FAM167A: variants seen among roughly 807,000 people sequenced by gnomAD.
FAM167A encodes family with sequence similarity 167 member A.
Under a neutral mutation model 14.9 loss-of-function variants are expected in FAM167A, and 23 were observed. That is an observed-to-expected ratio of 1.55 (90% CI 1.11 to 2.19). The LOEUF is 2.19. Ranked by LOEUF, FAM167A falls within the 30% of genes most tolerant of loss-of-function variation. FAM167A has a pLI of 0.00. For missense variants in FAM167A, 401 were observed against 281.5 expected, an observed-to-expected ratio of 1.42 and a Z score of -3.04; for synonymous variants, 174 against 117.7, an observed-to-expected ratio of 1.48 and a Z score of -3.10.
intron 1 of FAM167A, among the ~76,000 whole-genome samples, chr8:11,456,392 T>TAAGTGTGA (rs1807305755): frequency 8.3e-6 from 1 of 120,496 alleles, no homozygotes; most frequent in African/African-American, 3.3e-5. Context: ...GCCTGGTGTG[T>TAAGTGTGA]GTGTGAGTGT....
intron 1 of FAM167A, among the ~76,000 whole-genome samples, chr8:11,473,716 G>A (rs1797784338): frequency 1.3e-5 from 2 of 152,044 alleles, no homozygotes; most frequent in South Asian, 2.1e-4. Context: ...TTGAGCTTCA[G>A]TTTCCTCCTC....
At chr8:11,438,503 G>A (rs1173430731) in intron 2 of FAM167A, 7 of 457,180 alleles carry the variant, frequency 1.5e-5, no homozygotes, top group South Asian at 7.7e-5. Context: ...GGAGAGAAGA[G>A]CCTGGTGCTA....
In FAM167A at chr8:11,424,445, G is replaced by A; in HGVS notation, c.573C>T (p.Ser191=). The A allele has an allele frequency of 1.9e-6, 3 of 1,614,102 alleles. No homozygotes were observed. The highest frequency in any genetic ancestry group is 2.5e-6 in the Non-Finnish European group (3 of 1,180,002). ...CAATAAGCTTGAGTGGTGTGGAGAG[G>A]CTGAAGGAGGAGGCAAGAGGGGAGT... ...FCDSPLASSF[S]LSTPLKLIGV... Residue 191 remains serine (S), a synonymous_variant, in exon 3 of 3, where the codon AGC becomes AGT. Coordinates refer to ENST00000284486, the MANE Select transcript of FAM167A (RefSeq NM_053279.3).
chr8:11,455,891 C>CTGTGT (rs752624848), intron 1 of FAM167A, among the ~76,000 whole-genome samples: 7 of 57,250 alleles, frequency 1.2e-4, no homozygotes, highest in African/African-American at 4.7e-4. Context: ...GGTTGCCTTG[C>CTGTGT]AGAGTGTGAG....
intron 2 of FAM167A, among the ~76,000 whole-genome samples, chr8:11,443,217 C>T (rs1174233358): frequency 6.6e-6 from 1 of 152,192 alleles, no homozygotes; most frequent in Non-Finnish European, 1.5e-5. Flanking sequence ...ACGGGTGATT[C>T]TCCCCTGGGG....
intron 1 of FAM167A, among the ~76,000 whole-genome samples, chr8:11,448,129 G>T (rs1335137461): frequency 6.6e-6 from 1 of 151,936 alleles, no homozygotes; most frequent in African/African-American, 2.4e-5. Context: ...AGGAGGCAGA[G>T]GTTGCAGTGA....
chr8:11,458,269 T>G (rs1035801251), intron 1 of FAM167A, among the ~76,000 whole-genome samples: 9 of 152,210 alleles, frequency 5.9e-5, no homozygotes. Context: ...AGCACCTCAC[T>G]CGACAGTCTT....
chr8:11,472,428 G>GT (rs1807988166), upstream of FAM167A, among the ~76,000 whole-genome samples: 1 of 125,402 alleles, frequency 8.0e-6, no homozygotes, highest in South Asian at 2.6e-4. Flanking sequence ...TTTGTTTTTT[G>GT]TTTTTTGGGT....
chr8:11,422,625 A>G lies in FAM167A; in HGVS notation c.*1748T>C, dbSNP rs1253075066. 1 of 152,366 alleles carries G rather than the reference A, an allele frequency of 6.6e-6. No individual in the cohort carries two copies. Among genetic ancestry groups the G allele is most frequent in the African/African-American group, 2.4e-5 (1 of 41,450 alleles). The allele number at this position is 152,366 out of a possible 1,614,324, so 9.4% of individuals were successfully genotyped here. A position where few individuals can be genotyped will look rare whatever the true frequency, so the allele number is the denominator to read the frequency against. On this transcript the variant is annotated 3_prime_UTR_variant, in exon 3 of 3. Coordinates refer to ENST00000284486, the MANE Select transcript of FAM167A (RefSeq NM_053279.3). ...GGCATAGAACTTCTGGCTCTTTGAA[A>G]TTTTAAAAAAGAGACCAAGTTCTTT...
In FAM167A at chr8:11,444,275, T is replaced by A; in HGVS notation, c.137A>T (p.Tyr46Phe). ...CTCCAGCCTGGCCTGCCATTCCAGGTAGGAGGGCCTGCGGGTCTCCAGCCT... is the reference window on the plus strand; with the variant it reads ...CTCCAGCCTGGCCTGCCATTCCAGGAAGGAGGGCCTGCGGGTCTCCAGCCT... ...KLRLETRRPS[Y>F]LEWQARLEEH... The change falls in exon 2 of 3, where the codon TAC (tyrosine) becomes TTC (phenylalanine). Residue 46 changes from tyrosine (Y) to phenylalanine (F), a missense_variant. Tyr to Phe is a conservative substitution (Grantham distance 22, BLOSUM62 3). Transcript: ENST00000284486. 5 of 1,609,790 alleles carry A rather than the reference T, an allele frequency of 3.1e-6. No individual in the cohort carries two copies. Among genetic ancestry groups the A allele is most frequent in the Non-Finnish European group, 4.2e-6 (5 of 1,179,204 alleles).
chr8:11,471,042 C>T (rs765450688), upstream of FAM167A, among the ~76,000 whole-genome samples: 6 of 152,144 alleles, frequency 3.9e-5, no homozygotes, highest in Non-Finnish European at 7.3e-5. Flanking sequence ...GGGAGTGTGG[C>T]GCACGTGGCT....
chr8:11,425,017 A>G (rs1198199509), intron 2 of FAM167A, among the ~76,000 whole-genome samples: 1 of 152,162 alleles, frequency 6.6e-6, no homozygotes, highest in Admixed American at 6.5e-5. Context: ...CTAGGTGAGA[A>G]GGAGGGACTG....
intron 1 of FAM167A, among the ~76,000 whole-genome samples, chr8:11,453,159 C>G (rs1027904377): frequency 6.6e-6 from 1 of 152,206 alleles, no homozygotes; most frequent in South Asian, 2.1e-4. Context: ...AATCCTGCCC[C>G]TTAATAACTT....
At chr8:11,441,286 T>C (rs1263567477) in intron 2 of FAM167A, among the ~76,000 whole-genome samples, 4 of 152,202 alleles carry the variant, frequency 2.6e-5, no homozygotes, top group Non-Finnish European at 5.9e-5. Flanking sequence ...AGGTCCCCTG[T>C]TGGTCCCCTG....
At position 11,423,196 on chromosome 8, in the gene FAM167A, C is replaced by T. The variant is rs894106302; in HGVS notation, c.*1177G>A. The T allele has an allele frequency of 6.6e-6, 1 of 152,234 alleles. No homozygotes were observed. Among genetic ancestry groups the T allele is most frequent in the South Asian group, 2.1e-4 (1 of 4,808 alleles). 9.4% of individuals were successfully genotyped at this position (152,234 alleles called of 1,614,324 possible). On this transcript the variant is annotated 3_prime_UTR_variant, in exon 3 of 3. Coordinates refer to ENST00000284486, the MANE Select transcript of FAM167A (RefSeq NM_053279.3). Reference sequence around the variant, plus strand: ...TATCTCAGGATTCTACGGGTCTGGCCGAGGGACCCCTGCCATGCCGTATGA... The same window carrying T: ...TATCTCAGGATTCTACGGGTCTGGCTGAGGGACCCCTGCCATGCCGTATGA...
Position 11,424,559 on chromosome 8 carries a change from G to C in FAM167A, c.459C>G (p.Ile153Met). 6.2e-7 allele frequency: 1 copy of C among 1,614,056 alleles called. No homozygotes were observed. The highest frequency in any genetic ancestry group is 8.5e-7 in the Non-Finnish European group (1 of 1,179,906). The change falls in exon 3 of 3, where the codon ATC (isoleucine) becomes ATG (methionine). Residue 153 changes from isoleucine to methionine, a missense_variant. Transcript: ENST00000284486. Reference sequence around the variant, plus strand: ...TCCTGTGGAGGCGGCAGGTGTGTTCGATTTTCAGCTTGTTGATGTCGCCAC... The same window carrying C: ...TCCTGTGGAGGCGGCAGGTGTGTTCCATTTTCAGCTTGTTGATGTCGCCAC... ...RLRGDINKLK[I>M]EHTCRLHRRM... is the part of the protein sequence containing the mutation.
At chr8:11,431,682 C>A (rs546707720) in intron 2 of FAM167A, among the ~76,000 whole-genome samples, 1 of 151,964 alleles carries the variant, frequency 6.6e-6, no homozygotes, top group Non-Finnish European at 1.5e-5. Context: ...TAGAGATGGC[C>A]GGTCAGCCTG....
chr8:11,436,380 C>T (rs975719587), intron 2 of FAM167A, among the ~76,000 whole-genome samples: 8 of 152,234 alleles, frequency 5.3e-5, no homozygotes, highest in African/African-American at 1.9e-4. Flanking sequence ...CCCAGGACTG[C>T]TGCCCCTGCC....
chr8:11,438,489 C>G (rs1194955741), intron 2 of FAM167A: 1 of 457,240 alleles, frequency 2.2e-6, no homozygotes, highest in African/African-American at 2.0e-5. Flanking sequence ...ATTACATTGG[C>G]AAGGGAGAGA....
Sources: gnomAD v4.1 joint callset for allele counts (sites outside exome capture counted in the v4.1 genomes callset) on GRCh38, gnomAD v4.1.1 for gene constraint, MANE v1.5 for transcripts, NCBI Gene and HGNC (gene_info 2026-07-23, HGNC 2026-07-21) for gene names.